XYLB: variants seen among roughly 807,000 people sequenced by gnomAD.
The protein encoded by XYLB is xylulose kinase.
A neutral mutation model predicts 78.7 loss-of-function variants in XYLB; 62 were observed. The ratio of observed to expected loss-of-function variants is 0.79; its 90% CI spans 0.64 to 0.97. The LOEUF (loss-of-function observed/expected upper bound fraction) is 0.97, where lower values mean the gene tolerates loss of function less well. Among genes scored for constraint, XYLB ranks in the 50% least tolerant of loss-of-function variants. The probability of loss-of-function intolerance (pLI) is 0.00; values close to 1 mark genes in which losing one functional copy is unlikely to be tolerated. For missense variants in XYLB, 687 were observed against 676.8 expected, an observed-to-expected ratio of 1.02 and a Z score of -0.17; for synonymous variants, 245 against 247.4, an observed-to-expected ratio of 0.99 and a Z score of 0.09.
intron 9 of XYLB, among the ~76,000 whole-genome samples, chr3:38,371,839 A>G (rs1258387841): frequency 6.6e-6 from 1 of 152,254 alleles, no homozygotes; most frequent in African/African-American, 2.4e-5. Flanking sequence ...GGAAGCTGAC[A>G]GCACAGCTTT....
intron 4 of XYLB, among the ~76,000 whole-genome samples, chr3:38,364,303 C>T (rs908481910): frequency 7.2e-5 from 11 of 151,856 alleles, no homozygotes; most frequent in Admixed American, 2.0e-4. Context: ...TCTTCTCCAG[C>T]GCTATCTGCT....
the XYLB span, among the ~76,000 whole-genome samples, chr3:38,441,852 G>A: frequency 6.6e-6 from 1 of 152,190 alleles, no homozygotes; most frequent in East Asian, 1.9e-4. Context: ...ACGAGTCTGA[G>A]TAAGGACTCC....
intron 15 of XYLB, among the ~76,000 whole-genome samples, chr3:38,388,738 G>T (rs902909942): frequency 2.0e-5 from 3 of 152,028 alleles, no homozygotes; most frequent in Admixed American, 6.6e-5. Context: ...TGTCAGGGAG[G>T]TTTATTTTTT....
chr3:38,432,910 G>A, the XYLB span, among the ~76,000 whole-genome samples: 4 of 152,278 alleles, frequency 2.6e-5, no homozygotes, highest in East Asian at 7.7e-4. Context: ...TACCACTCTG[G>A]GGTCTGGAGG....
chr3:38,396,551 TC>T (rs1280760179), intron 16 of XYLB, among the ~76,000 whole-genome samples: 1 of 152,174 alleles, frequency 6.6e-6, no homozygotes, highest in Non-Finnish European at 1.5e-5. Flanking sequence ...TGGGTCGGCA[TC>T]AGTGGCATCT....
chr3:38,366,860 A>G lies in XYLB; in HGVS notation c.560A>G (p.Tyr187Cys), dbSNP rs552902718. The change falls in exon 7 of 19, where the codon TAC (tyrosine) becomes TGC (cysteine). Residue 187 changes from tyrosine to cysteine, a missense_variant. Transcript: ENST00000207870. ...ATTTACCAGCAGAACCCCGAGGCCT[A>G]CTCACATACGGAGGTTGGTTAAATG... ...AKIYQQNPEA[Y>C]SHTERISLVS... The G allele has an allele frequency of 2.5e-6, 4 of 1,611,702 alleles. No individual in the cohort carries two copies. In the East Asian group the frequency reaches 6.7e-5, roughly 27 times the overall value.
downstream of XYLB, among the ~76,000 whole-genome samples, chr3:38,418,673 CTACT>C (rs1223089490): frequency 6.6e-6 from 1 of 152,154 alleles, no homozygotes; most frequent in South Asian, 2.1e-4. Flanking sequence ...GGACAGTTCT[CTACT>C]TAGTTCTTTT....
chr3:38,424,193 CA>C (rs1440143460), downstream of XYLB, among the ~76,000 whole-genome samples: 14 of 152,214 alleles, frequency 9.2e-5, no homozygotes, highest in African/African-American at 3.4e-4. Context: ...TCCAACTCAG[CA>C]TTCACCTACT....
At chr3:38,385,495 A>T (rs993348002) in intron 15 of XYLB, among the ~76,000 whole-genome samples, 1 of 151,874 alleles carries the variant, frequency 6.6e-6, no homozygotes, top group Non-Finnish European at 1.5e-5. Flanking sequence ...TGTATTTTTA[A>T]GTTGAAATTT....
At chr3:38,396,913 A>G (rs1707893937) in intron 16 of XYLB, among the ~76,000 whole-genome samples, 159 bp from the exon 17 acceptor site, 1 of 152,170 alleles carries the variant, frequency 6.6e-6, no homozygotes, top group South Asian at 2.1e-4. Flanking sequence ...TATTATCACC[A>G]GGGTAGCATG....
chr3:38,437,062 A>C, the XYLB span, among the ~76,000 whole-genome samples: 6 of 148,480 alleles, frequency 4.0e-5, no homozygotes, highest in African/African-American at 7.4e-5. Context: ...ACCAAAAAAA[A>C]CCCCACCATA....
chr3:38,374,465 C>G lies in XYLB; in HGVS notation c.851C>G (p.Ser284Trp), dbSNP rs775962919. 6.2e-7 allele frequency: 1 copy of G among 1,614,074 alleles called. No homozygotes were observed. The highest frequency in any genetic ancestry group is 8.5e-7 in the Non-Finnish European group (1 of 1,179,984). ...VVAFTGDNPA[S>W]LAGMRLEEGD... ...GAAGCTCCCCTCCCATTCTCAGCGT[C>G]GCTGGCAGGCATGAGACTGGAGGAA... Residue 284 changes from serine to tryptophan, a missense_variant, in exon 11 of 19, where the codon TCG (serine) becomes TGG (tryptophan). By Grantham distance (177) the Ser-to-Trp change is radical (BLOSUM62 -3). Coordinates refer to ENST00000207870, the MANE Select transcript of XYLB (RefSeq NM_005108.4).
At chr3:38,416,248 A>G (rs145798156), downstream of XYLB, among the ~76,000 whole-genome samples, 54 of 152,342 alleles carry the variant, frequency 3.5e-4, no homozygotes, top group African/African-American at 1.3e-3. Context: ...CTTAGGCAAT[A>G]TGTAGAAGTC....
intron 14 of XYLB, among the ~76,000 whole-genome samples, chr3:38,377,380 T>C (rs1706915342): frequency 6.6e-6 from 1 of 152,142 alleles, no homozygotes; most frequent in East Asian, 1.9e-4. Flanking sequence ...CTAACGTTTA[T>C]TGAGCCCATT....
chr3:38,357,735 A>G (rs1184752909), intron 2 of XYLB, among the ~76,000 whole-genome samples: 1 of 152,120 alleles, frequency 6.6e-6, no homozygotes, highest in Admixed American at 6.5e-5. Context: ...CAGCCATCCT[A>G]GTGGATGTGA....
At chr3:38,442,103 C>A in the XYLB span, among the ~76,000 whole-genome samples, 5 of 152,112 alleles carry the variant, frequency 3.3e-5, no homozygotes, top group Non-Finnish European at 7.4e-5. Context: ...TTCCAAGGAA[C>A]CCCTGCAATT....
At chr3:38,439,110 C>A in the XYLB span, among the ~76,000 whole-genome samples, 2 of 152,146 alleles carry the variant, frequency 1.3e-5, no homozygotes, top group Non-Finnish European at 2.9e-5. Flanking sequence ...CTCTCAATCT[C>A]CCCTCTAAAC....
Position 38,367,154 on chromosome 3 carries a change from A to G in XYLB, c.573+281A>G, listed in dbSNP as rs199537421. Reference sequence around the variant, plus strand: ...CTGACGTGTTCCTGAGGCCACCTGAATGGAAGATCTGAGTGTCTGAGCAGG... The same window carrying G: ...CTGACGTGTTCCTGAGGCCACCTGAGTGGAAGATCTGAGTGTCTGAGCAGG... On this transcript the variant is annotated intron_variant, in intron 7 of 18. Coordinates refer to ENST00000207870, the MANE Select transcript of XYLB (RefSeq NM_005108.4). 2.5e-3 allele frequency among the ~76,000 whole-genome samples: 377 copies of G among 152,278 alleles called. 1 individual carries two copies. Among genetic ancestry groups the G allele is most frequent in the African/African-American group, 8.8e-3 (367 of 41,562 alleles).
intron 18 of XYLB, among the ~76,000 whole-genome samples, chr3:38,406,220 G>A (rs904876373): frequency 2.6e-5 from 4 of 152,198 alleles, no homozygotes; most frequent in Non-Finnish European, 4.4e-5. Flanking sequence ...AGCAGCATTC[G>A]TGGTTCACGA....
Sources: gnomAD v4.1 joint callset for allele counts (sites outside exome capture counted in the v4.1 genomes callset) on GRCh38, gnomAD v4.1.1 for gene constraint, MANE v1.5 for transcripts, NCBI Gene and HGNC (gene_info 2026-07-23, HGNC 2026-07-21) for gene names.